ACP6: variants seen among roughly 807,000 people sequenced by gnomAD.
ACP6 encodes acid phosphatase 6, lysophosphatidic.
In ACP6, 48 loss-of-function variants were observed where a neutral mutation model predicts 48.1. The observed-to-expected ratio is 1.00, with a 90% CI of 0.79 to 1.27. The LOEUF is 1.27. Among genes scored for constraint, ACP6 ranks in the 50% most tolerant of loss-of-function variants. The probability of loss-of-function intolerance (pLI) is 0.00; values close to 1 mark genes in which losing one functional copy is unlikely to be tolerated. For missense variants in ACP6, 485 were observed against 529.1 expected (o/e 0.92, Z 0.82); for synonymous variants, 172 against 204.2 (o/e 0.84, Z 1.34).
At chr1:147,635,263 G>A (rs1390388130) in intron 5 of ACP6, among the ~76,000 whole-genome samples, 5 of 152,130 alleles carry the variant, frequency 3.3e-5, no homozygotes, top group Admixed American at 1.3e-4. Flanking sequence ...AGGAAGATCC[G>A]AACTCATTGA....
At chr1:147,647,951 T>G in intron 9 of ACP6, 1 of 498,686 alleles carries the variant, frequency 2.0e-6, no homozygotes, top group East Asian at 3.4e-5. Context: ...AAAACAGGTC[T>G]CACAGCCAGG....
At chr1:147,668,509 C>T (rs1433965136) in intron 1 of ACP6, among the ~76,000 whole-genome samples, 1 of 151,786 alleles carries the variant, frequency 6.6e-6, no homozygotes, top group African/African-American at 2.4e-5. Flanking sequence ...TTGTCTTCTA[C>T]GTGAATATAA....
chr1:147,659,898 A>G (rs1660460014), intron 1 of ACP6, 123 bp from the exon 2 acceptor site: 1 of 1,178,028 alleles, frequency 8.5e-7, no homozygotes, highest in Non-Finnish European at 1.2e-6. Flanking sequence ...CAACCTTCCT[A>G]TGGGATGGAA....
chr1:147,643,877 A>G lies in ACP6; in HGVS notation c.*3546T>C, dbSNP rs1553209127. ...AAGCTGAGAAGTCCAAGATCAAGGC[A>G]CCAGAAGGTTAGGGCCTGGTCTCTC... On this transcript the variant is annotated 3_prime_UTR_variant, in exon 10 of 10. Coordinates refer to ENST00000583509, the MANE Select transcript of ACP6 (RefSeq NM_016361.5). 1.3e-5 allele frequency: 2 copies of G among 152,474 alleles called. No individual in the cohort carries two copies. Among genetic ancestry groups the G allele is most frequent in the Non-Finnish European group, 1.5e-5 (1 of 68,060 alleles). 9.4% of individuals were successfully genotyped at this position (152,474 alleles called of 1,614,324 possible). A position where few individuals can be genotyped will look rare whatever the true frequency, so the allele number is the denominator to read the frequency against.
At chr1:147,655,386 G>A (rs1199093136) in intron 4 of ACP6, 138 bp from the exon 5 acceptor site, 6 of 661,728 alleles carry the variant, frequency 9.1e-6, no homozygotes, top group Non-Finnish European at 1.5e-5. Context: ...ACTCCTTAAG[G>A]ACAGAAAATG....
chr1:147,639,941 AT>A (rs1659405826), downstream of ACP6, among the ~76,000 whole-genome samples: 1 of 151,958 alleles, frequency 6.6e-6, no homozygotes, highest in Non-Finnish European at 1.5e-5. Flanking sequence ...TGACTTAGCT[AT>A]TCCTTTGATT....
intron 1 of ACP6, among the ~76,000 whole-genome samples, chr1:147,664,066 A>G (rs1553213197): frequency 6.6e-6 from 1 of 152,096 alleles, no homozygotes. Context: ...TTCTCTTGGC[A>G]TCTAGGGAGC....
At chr1:147,633,030 T>G (rs1553207568) in intron 5 of ACP6, among the ~76,000 whole-genome samples, 1 of 152,172 alleles carries the variant, frequency 6.6e-6, no homozygotes, top group African/African-American at 2.4e-5. Context: ...GCCATCCTAC[T>G]GCCCTAAGTA....
intron 5 of ACP6, among the ~76,000 whole-genome samples, chr1:147,631,381 A>G (rs1553207328): frequency 1.3e-5 from 2 of 152,196 alleles, no homozygotes; most frequent in Non-Finnish European, 2.9e-5. Context: ...AACATATCTT[A>G]AATCCATGCA....
intron 5 of ACP6, among the ~76,000 whole-genome samples, chr1:147,634,420 T>A (rs1251160275): frequency 7.7e-6 from 1 of 130,422 alleles, no homozygotes; most frequent in East Asian, 2.3e-4. Context: ...GTTGATTGTG[T>A]CCTTTGATGC....
intron 1 of ACP6, among the ~76,000 whole-genome samples, chr1:147,667,412 T>G (rs1324460387): frequency 6.6e-6 from 1 of 151,738 alleles, no homozygotes; most frequent in Non-Finnish European, 1.5e-5. Context: ...GAGATGGGGT[T>G]TCACCATTTT....
rs1259246237 is a variant in ACP6, at chr1:147,667,988, C to CAA, written c.219+1840_219+1841dup. On this transcript the variant is annotated intron_variant, in intron 1 of 9. Coordinates refer to ENST00000583509, the MANE Select transcript of ACP6 (RefSeq NM_016361.5). The stretch of plus-strand genomic sequence containing the variant: ...CTTGCAACAGAACAAGATTCTGTCT[C>CAA]AAAAAAAAAAATCCCAATAACAACC... Among the ~76,000 whole-genome samples the CAA allele has an allele frequency of 3.1e-3, 459 of 148,686 alleles. 2 individuals are homozygous for CAA. The highest frequency in any genetic ancestry group is 6.4e-3 in the African/African-American group (261 of 40,538).
chr1:147,668,746 C>A (rs587753940), intron 1 of ACP6, among the ~76,000 whole-genome samples: 1 of 152,254 alleles, frequency 6.6e-6, no homozygotes, highest in African/African-American at 2.4e-5. Flanking sequence ...GTAAGGCTAA[C>A]TAGAAACCTG....
At position 147,654,355 on chromosome 1, in the gene ACP6, T is replaced by C. The variant is rs368373290; in HGVS notation, c.648-29A>G. On this transcript the variant is annotated intron_variant, in intron 5 of 9. Coordinates refer to ENST00000583509, the MANE Select transcript of ACP6 (RefSeq NM_016361.5). Reference sequence around the variant, plus strand: ...ACAAAAAATAAAAAGTAAAGCCTTATATTCTATAGTGATTAACAGTTTACA... The same window carrying C: ...ACAAAAAATAAAAAGTAAAGCCTTACATTCTATAGTGATTAACAGTTTACA... 34 of 1,609,942 alleles carry C rather than the reference T, an allele frequency of 2.1e-5. No individual in the cohort carries two copies. In the African/African-American group the frequency reaches 3.6e-4, roughly 17 times the overall value.
At chr1:147,663,057 G>C (rs892693139) in intron 1 of ACP6, among the ~76,000 whole-genome samples, 1 of 152,138 alleles carries the variant, frequency 6.6e-6, no homozygotes, top group South Asian at 2.1e-4. Flanking sequence ...TTTAAATTAA[G>C]GTATGTACAT....
rs782359131 is a variant in ACP6, at chr1:147,652,523, C to G, written c.807G>C (p.Met269Ile). Residue 269 changes from methionine to isoleucine, a missense_variant, in exon 7 of 10, where the codon ATG becomes ATC. Transcript: ENST00000583509. ...CGATCATCCTTGCAAATCTCTTCAG[C>G]ATGGGGCAGCTTGGGAGGTTGTGTG... ...EQAHNLPSCP[M>I]LKRFARMIEQ... 1 of 1,614,108 alleles carries G rather than the reference C, an allele frequency of 6.2e-7. No homozygotes were observed. Among genetic ancestry groups the G allele is most frequent in the Non-Finnish European group, 8.5e-7 (1 of 1,180,008 alleles).
intron 1 of ACP6, among the ~76,000 whole-genome samples, chr1:147,660,294 C>T (rs1660481909): frequency 6.6e-6 from 1 of 152,162 alleles, no homozygotes; most frequent in South Asian, 2.1e-4. Context: ...GCTTTTTCAT[C>T]ATCTTCCATT....
In ACP6 at chr1:147,651,311, T is replaced by C. The variant is rs139053126; in HGVS notation, c.882-1073A>G. 4 of 152,266 alleles carry C rather than the reference T, an allele frequency of 2.6e-5. No individual in the cohort carries two copies. The East Asian group carries it at 7.7e-4, about 29-fold the overall frequency. The allele number at this position is 152,266 out of a possible 1,614,324, so 9.4% of individuals were successfully genotyped here. ...TAGACAAGGTCCTGTTTAAAATGATTTACACCAGAATAAAGCAAACTATAC... is the reference window on the plus strand; with the variant it reads ...TAGACAAGGTCCTGTTTAAAATGATCTACACCAGAATAAAGCAAACTATAC... On this transcript the variant is annotated intron_variant, in intron 7 of 9. Transcript: ENST00000583509.
intron 5 of ACP6, among the ~76,000 whole-genome samples, chr1:147,635,526 G>C (rs981562799): frequency 2.0e-5 from 3 of 152,054 alleles, no homozygotes; most frequent in Admixed American, 6.5e-5. Context: ...TCCTCTTCCT[G>C]TCCCAATCTT....
Sources: gnomAD v4.1 joint callset for allele counts (sites outside exome capture counted in the v4.1 genomes callset) on GRCh38, gnomAD v4.1.1 for gene constraint, MANE v1.5 for transcripts, NCBI Gene and HGNC (gene_info 2026-07-23, HGNC 2026-07-21) for gene names.